The following PCDHA7 variants were observed in gnomAD, a reference collection of about 807,000 sequenced individuals.
PCDHA7 encodes the protein protocadherin alpha-7.
Under a neutral mutation model 57.2 loss-of-function variants are expected in PCDHA7, and 37 were observed. The ratio of observed to expected loss-of-function variants is 0.65; its 90% CI spans 0.50 to 0.85. The LOEUF (loss-of-function observed/expected upper bound fraction) is 0.85, where lower values mean the gene tolerates loss of function less well. PCDHA7 is among the 40% of genes least tolerant of loss of function. The pLI is 0.00. For missense variants in PCDHA7, 1,188 were observed against 1,241.8 expected (o/e 0.96, Z 0.65); for synonymous variants, 553 against 558.8 (o/e 0.99, Z 0.15).
intron 3 of PCDHA7, among the ~76,000 whole-genome samples, chr5:140,998,786 A>G (rs1210415944): frequency 1.3e-5 from 2 of 152,026 alleles, no homozygotes; most frequent in African/African-American, 4.8e-5. Flanking sequence ...CTGGTCTGGA[A>G]CCCCTGACCT....
intron 1 of PCDHA7, chr5:140,967,711 G>C (rs557842321): frequency 6.2e-7 from 1 of 1,614,168 alleles, no homozygotes; most frequent in East Asian, 2.2e-5. Context: ...CCAGTACCGG[G>C]GAAGTGCGAG....
At chr5:141,004,331 C>G (rs1244942275) in intron 3 of PCDHA7, among the ~76,000 whole-genome samples, 1 of 152,210 alleles carries the variant, frequency 6.6e-6, no homozygotes, top group Non-Finnish European at 1.5e-5. Flanking sequence ...AGGTGAGGCA[C>G]AGTGGTCTGT....
chr5:140,920,360 C>T (rs1049389066), intron 1 of PCDHA7, among the ~76,000 whole-genome samples: 2 of 151,950 alleles, frequency 1.3e-5, no homozygotes, highest in Non-Finnish European at 2.9e-5. Context: ...TAGTTCTATT[C>T]ATTTATTCTT....
intron 3 of PCDHA7, among the ~76,000 whole-genome samples, chr5:141,008,000 TA>T (rs2098355741): frequency 6.6e-6 from 1 of 152,264 alleles, no homozygotes; most frequent in Non-Finnish European, 1.5e-5. Context: ...TACATGTTAA[TA>T]AACTTCTGTT....
chr5:141,009,019 C>G (rs1160022658), intron 3 of PCDHA7, among the ~76,000 whole-genome samples: 2 of 152,232 alleles, frequency 1.3e-5, no homozygotes, highest in African/African-American at 4.8e-5. Flanking sequence ...CCTTTAGGCT[C>G]TGTATTTCCC....
intron 3 of PCDHA7, among the ~76,000 whole-genome samples, chr5:140,994,595 C>CT (rs1554254262): frequency 6.6e-6 from 1 of 151,984 alleles, no homozygotes; most frequent in East Asian, 1.9e-4. Context: ...GTCTCAGCTA[C>CT]TTGGGAGGCT....
intron 1 of PCDHA7, chr5:140,876,114 A>G: frequency 2.5e-6 from 4 of 1,613,960 alleles, no homozygotes; most frequent in Non-Finnish European, 3.4e-6. Context: ...TGCTGATGGT[A>G]ATCGATGGCG....
chr5:141,000,005 C>T (rs2097888446), intron 3 of PCDHA7, among the ~76,000 whole-genome samples: 1 of 152,024 alleles, frequency 6.6e-6, no homozygotes. Context: ...ATTAGATTGG[C>T]CTCCCCATTG....
At chr5:140,841,320 A>C (rs2150313499) in intron 1 of PCDHA7, 1 of 1,602,072 alleles carries the variant, frequency 6.2e-7, no homozygotes, top group Non-Finnish European at 8.5e-7. Flanking sequence ...CGACTATTTA[A>C]CATGGATTAT....
chr5:140,965,855 T>G (rs961780781), intron 1 of PCDHA7, among the ~76,000 whole-genome samples: 1 of 152,226 alleles, frequency 6.6e-6, no homozygotes, highest in African/African-American at 2.4e-5. Context: ...AGGCACACAC[T>G]GAAAATAAGG....
intron 1 of PCDHA7, chr5:140,859,217 C>A (rs1409192343): frequency 1.3e-5 from 2 of 149,754 alleles, no homozygotes; most frequent in Non-Finnish European, 3.0e-5. Context: ...AGCTCTTTCA[C>A]TTTAAGGAAG....
chr5:140,843,800 C>T (rs2150366866), intron 1 of PCDHA7: 5 of 1,342,480 alleles, frequency 3.7e-6, no homozygotes, highest in East Asian at 2.3e-5. Context: ...TAGTTTTTCA[C>T]CGTATTTTAT....
intron 1 of PCDHA7, chr5:140,928,199 C>T: frequency 6.2e-7 from 1 of 1,614,226 alleles, no homozygotes; most frequent in South Asian, 1.1e-5. Context: ...GTGTCAGTTG[C>T]TGATGTGAAT....
Position 140,997,281 on chromosome 5 carries a change from T to C in PCDHA7, c.2504-12346T>C, listed in dbSNP as rs143161972. Reference sequence around the variant, plus strand: ...CTCTTCCAAATATTTCTTGCATCACTTAACAATGGGGATACACTGAGAAAT... The same window carrying C: ...CTCTTCCAAATATTTCTTGCATCACCTAACAATGGGGATACACTGAGAAAT... On this transcript the variant is annotated intron_variant, in intron 3 of 3. Transcript: ENST00000525929. 1.4e-3 allele frequency among the ~76,000 whole-genome samples: 209 copies of C among 152,340 alleles called. 2 individuals carry two copies. Among genetic ancestry groups the C allele is most frequent in the African/African-American group, 4.7e-3 (195 of 41,574 alleles).
At position 140,836,457 on chromosome 5, in the gene PCDHA7, G is replaced by T. The variant is rs2150261358; in HGVS notation, c.2074G>T (p.Glu692Ter). Reference protein sequence around the residue: ...ASLGIAGPETELVDVNVYLII... With the variant: ...ASLGIAGPET The stretch of plus-strand genomic sequence containing the variant: ...GTTGGGCATTGCAGGCCCAGAGACC[G>T]AGCTGGTGGATGTCAACGTGTACCT... The change falls in exon 1 of 4, where the codon GAG becomes TAG. Residue 692 changes from glutamate to a stop codon, truncating the protein, a stop_gained. Coordinates refer to ENST00000525929, the MANE Select transcript of PCDHA7 (RefSeq NM_018910.3). LOFTEE classifies it high-confidence loss of function. The T allele has an allele frequency of 1.5e-5, 25 of 1,613,812 alleles. No homozygotes were observed. The African/African-American group carries it at 3.1e-4, about 20-fold the overall frequency.
rs2150347815 is a variant in PCDHA7, at chr5:140,842,914, G to A, written c.2355+6176G>A. 19 of 1,594,548 alleles carry A rather than the reference G, an allele frequency of 1.2e-5. 2 individuals carry two copies. The highest frequency in any genetic ancestry group is 1.6e-5 in the Non-Finnish European group (19 of 1,165,450). On this transcript the variant is annotated intron_variant, in intron 1 of 3. Transcript: ENST00000525929. ...TGGACCACGAGGAGCTAGAGCTGCT[G>A]CAGTTCCAGGTGAGCGCGCGCGACG...
At position 141,010,411 on chromosome 5, in the gene PCDHA7, G is replaced by A. The variant is rs1215041869; in HGVS notation, c.*474G>A. On this transcript the variant is annotated 3_prime_UTR_variant, in exon 4 of 4. Coordinates refer to ENST00000525929, the MANE Select transcript of PCDHA7 (RefSeq NM_018910.3). Reference sequence around the variant, plus strand: ...TGAGACGAGCCAGCTTAGACTAATTGGTACAAGGAAGGCAAGAAAACAAAG... The same window carrying A: ...TGAGACGAGCCAGCTTAGACTAATTAGTACAAGGAAGGCAAGAAAACAAAG... The A allele has an allele frequency of 8.2e-7, 1 of 1,224,354 alleles. No individual in the cohort carries two copies. Among genetic ancestry groups the A allele is most frequent in the Admixed American group, 2.9e-5 (1 of 35,038 alleles). 75.8% of individuals were successfully genotyped at this position (1,224,354 alleles called of 1,614,324 possible).
At chr5:140,850,840 C>T (rs2150500104) in intron 1 of PCDHA7, 1 of 1,597,492 alleles carries the variant, frequency 6.3e-7, no homozygotes, top group Admixed American at 1.7e-5. Flanking sequence ...TGTGCTGGAT[C>T]TACAGAGCGA....
intron 1 of PCDHA7, chr5:140,966,707 A>G (rs539562297): frequency 7.2e-7 from 1 of 1,379,868 alleles, no homozygotes; most frequent in Admixed American, 3.5e-5. Context: ...GGCGTGGGGC[A>G]CGGCTGGGGA....
Sources: allele counts gnomAD v4.1 joint callset (sites outside exome capture counted in the v4.1 genomes callset), GRCh38; gene constraint gnomAD v4.1.1; transcripts MANE v1.5; gene names NCBI Gene and HGNC (gene_info 2026-07-23, HGNC 2026-07-21).